Variants in BYSL observed in about 807,000 individuals in gnomAD.
The protein encoded by BYSL is bystin like.
A neutral mutation model predicts 45.4 loss-of-function variants in BYSL; 21 were observed. That is an observed-to-expected ratio of 0.46 (90% CI 0.33 to 0.67). The LOEUF (loss-of-function observed/expected upper bound fraction) is 0.67, where lower values mean the gene tolerates loss of function less well. Among genes scored for constraint, BYSL ranks in the 30% least tolerant of loss-of-function variants. BYSL has a pLI of 0.02. For synonymous variants in BYSL, 215 were observed against 231.3 expected, an observed-to-expected ratio of 0.93 and a Z score of 0.64; for missense variants, 522 against 578.5, an observed-to-expected ratio of 0.90 and a Z score of 1.00.
At chr6:41,923,143 C>CT (rs57800734) in intron 1 of BYSL, among the ~76,000 whole-genome samples, 22 of 148,726 alleles carry the variant, frequency 1.5e-4, no homozygotes, top group Admixed American at 7.4e-4. Flanking sequence ...TTCTTTTTTT[C>CT]TTTTTTTTTT....
the BYSL span, among the ~76,000 whole-genome samples, chr6:41,912,179 G>C: frequency 6.8e-6 from 1 of 148,006 alleles, no homozygotes; most frequent in Non-Finnish European, 1.5e-5. Flanking sequence ...GTCCCATGTA[G>C]CTGGGACCAC....
chr6:41,919,333 A>G (rs1775400264), upstream of BYSL, among the ~76,000 whole-genome samples: 1 of 152,124 alleles, frequency 6.6e-6, no homozygotes, highest in Non-Finnish European at 1.5e-5. Flanking sequence ...AAATCGATTA[A>G]AAAATTAATA....
At chr6:41,915,938 G>A in the BYSL span, among the ~76,000 whole-genome samples, 5 of 152,106 alleles carry the variant, frequency 3.3e-5, no homozygotes, top group African/African-American at 1.2e-4. Flanking sequence ...AACTACTTGT[G>A]TATCAACTAT....
At chr6:41,918,441 T>C (rs1017622828), upstream of BYSL, among the ~76,000 whole-genome samples, 7 of 147,222 alleles carry the variant, frequency 4.8e-5, no homozygotes, top group Non-Finnish European at 1.0e-4. Context: ...GAGGCGGAGG[T>C]TGCAGTGAGC....
chr6:41,930,877 G>GGCCCTCT (rs1211999065), intron 4 of BYSL, 109 bp downstream of exon 4: 5 of 1,412,512 alleles, frequency 3.5e-6, no homozygotes, highest in Admixed American at 5.2e-5. Context: ...TTTGCCCCAG[G>GGCCCTCT]GCCCTCTCTG....
chr6:41,919,570 G>T (rs967934719), upstream of BYSL, among the ~76,000 whole-genome samples: 1 of 152,150 alleles, frequency 6.6e-6, no homozygotes, highest in African/African-American at 2.4e-5. Context: ...GAAGTCCTAG[G>T]ATTCTGAAAA....
chr6:41,917,560 G>A, upstream of BYSL: 1 of 336,644 alleles, frequency 3.0e-6, no homozygotes, highest in South Asian at 2.2e-5. Flanking sequence ...GAGGACCACA[G>A]TCCCTGAGAG....
At chr6:41,923,140 T>C (rs1377160698) in intron 1 of BYSL, among the ~76,000 whole-genome samples, 1 of 55,952 alleles carries the variant, frequency 1.8e-5, no homozygotes, top group Non-Finnish European at 3.1e-5. Context: ...TTTTTCTTTT[T>C]TTCTTTTTTT....
intron 1 of BYSL, among the ~76,000 whole-genome samples, chr6:41,924,603 G>C (rs1775538273): frequency 6.6e-6 from 1 of 152,180 alleles, no homozygotes; most frequent in South Asian, 2.1e-4. Flanking sequence ...GAATGACTGG[G>C]TTAATCGGTA....
chr6:41,928,795 G>C (rs1775597484), intron 2 of BYSL, among the ~76,000 whole-genome samples: 1 of 152,144 alleles, frequency 6.6e-6, no homozygotes, highest in Non-Finnish European at 1.5e-5. Flanking sequence ...TGAGGCCTTG[G>C]GTGAGTTATT....
At chr6:41,921,223 A>T (rs576139087), upstream of BYSL, 75 of 682,496 alleles carry the variant, frequency 1.1e-4, no homozygotes, top group South Asian at 1.4e-3. Context: ...CACTGACATC[A>T]TCTGCGGATT....
chr6:41,909,512 C>T, the BYSL span: 1 of 1,614,120 alleles, frequency 6.2e-7, no homozygotes. Flanking sequence ...ACATCAGCTT[C>T]CCGGTCTGAC....
upstream of BYSL, among the ~76,000 whole-genome samples, chr6:41,919,342 TAAAC>T (rs1438673975): frequency 1.3e-5 from 2 of 152,038 alleles, no homozygotes; most frequent in African/African-American, 4.8e-5. Context: ...AAAAAATTAA[TAAAC>T]AATAGTACAA....
chr6:41,931,066 C>T (rs1420099952), intron 4 of BYSL, among the ~76,000 whole-genome samples: 1 of 90,416 alleles, frequency 1.1e-5, no homozygotes, highest in Admixed American at 9.7e-5. Flanking sequence ...CACTGGGATA[C>T]AACCCTGTAG....
the BYSL span, chr6:41,909,573 C>T: frequency 9.4e-6 from 15 of 1,594,640 alleles, no homozygotes; most frequent in Non-Finnish European, 8.6e-7. Context: ...CTGGCAAACC[C>T]CAGAGTAGAG....
upstream of BYSL, chr6:41,917,967 G>A (rs1160309776): frequency 3.5e-6 from 1 of 285,110 alleles, no homozygotes; most frequent in Non-Finnish European, 7.8e-6. Context: ...CTTTGGGAAT[G>A]AGAGGCAACA....
At chr6:41,915,736 G>A in the BYSL span, among the ~76,000 whole-genome samples, 23 of 150,874 alleles carry the variant, frequency 1.5e-4, no homozygotes, top group East Asian at 3.7e-3. Flanking sequence ...GCAGTGAGCC[G>A]AGATTGCGCC....
At chr6:41,916,016 G>A in the BYSL span, among the ~76,000 whole-genome samples, 1 of 152,024 alleles carries the variant, frequency 6.6e-6, no homozygotes, top group Admixed American at 6.6e-5. Context: ...GGAAGCTGAG[G>A]CCAGATAATC....
chr6:41,932,308 C>G lies in BYSL; in HGVS notation c.969-53C>G. 6.7e-7 allele frequency: 1 copy of G among 1,502,538 alleles called. No individual in the cohort carries two copies. The highest frequency in any genetic ancestry group is 9.1e-7 in the Non-Finnish European group (1 of 1,098,964). The allele number at this position is 1,502,538 out of a possible 1,614,324, so 93.1% of individuals were successfully genotyped here. A position where few individuals can be genotyped will look rare whatever the true frequency, so the allele number is the denominator to read the frequency against. ...GAAAGCATAGAGGGAGAAGTAGGAT[C>G]CTTCTTCCAATGTTTTCCCTGCTTA... On this transcript the variant is annotated intron_variant, in intron 6 of 6. Coordinates refer to ENST00000230340, the MANE Select transcript of BYSL (RefSeq NM_004053.4). The surrounding 1 kb of genome is among the most constrained non-coding windows in gnomAD (Gnocchi z 4.7).
Sources: allele counts gnomAD v4.1 joint callset (sites outside exome capture counted in the v4.1 genomes callset), GRCh38; gene constraint gnomAD v4.1.1; non-coding constraint Gnocchi (gnomAD v3.1); transcripts MANE v1.5; gene names NCBI Gene and HGNC (gene_info 2026-07-23, HGNC 2026-07-21).